Variants in CARMIL1 observed in about 807,000 individuals in gnomAD.
CARMIL1 encodes capping protein regulator and myosin 1 linker 1.
A neutral mutation model predicts 177.1 loss-of-function variants in CARMIL1; 90 were observed. That is an observed-to-expected ratio of 0.51 (90% CI 0.43 to 0.61). The LOEUF (loss-of-function observed/expected upper bound fraction) is 0.61, where lower values mean the gene tolerates loss of function less well. Ranked by LOEUF, CARMIL1 falls within the 20% of genes least tolerant of loss-of-function variation. The probability of loss-of-function intolerance (pLI) is 0.00; values close to 1 mark genes in which losing one functional copy is unlikely to be tolerated. For missense variants in CARMIL1, 1,380 were observed against 1,667.0 expected, an observed-to-expected ratio of 0.83 and a Z score of 3.00; for synonymous variants, 577 against 606.2, an observed-to-expected ratio of 0.95 and a Z score of 0.71.
At chr6:25,291,075 G>A (rs1481497754) in intron 2 of CARMIL1, among the ~76,000 whole-genome samples, 1 of 152,146 alleles carries the variant, frequency 6.6e-6, no homozygotes, top group Non-Finnish European at 1.5e-5. Context: ...GCCTCCCAAA[G>A]TGCTGGGATT....
At chr6:25,566,910 G>A (rs535892467) in intron 29 of CARMIL1, among the ~76,000 whole-genome samples, 43 of 152,276 alleles carry the variant, frequency 2.8e-4, no homozygotes, top group Middle Eastern at 6.8e-3. Context: ...AAACTGATGA[G>A]GTTCAATTAA....
chr6:25,496,065 G>A (rs1453157525), intron 16 of CARMIL1, among the ~76,000 whole-genome samples: 1 of 152,078 alleles, frequency 6.6e-6, no homozygotes, highest in East Asian at 1.9e-4. Context: ...CATCTTACTA[G>A]AAAATTAAGC....
chr6:25,385,793 T>C (rs2150507961), intron 2 of CARMIL1, among the ~76,000 whole-genome samples: 1 of 152,360 alleles, frequency 6.6e-6, no homozygotes, highest in Admixed American at 6.5e-5. Flanking sequence ...CTTGAATTTT[T>C]CCAAGACTCA....
At chr6:25,375,751 T>C (rs980337881) in intron 2 of CARMIL1, among the ~76,000 whole-genome samples, 1 of 152,218 alleles carries the variant, frequency 6.6e-6, no homozygotes, top group African/African-American at 2.4e-5. Flanking sequence ...AAATTCTTTT[T>C]TCTACTTGTT....
At chr6:25,468,757 C>T (rs1055768445) in intron 9 of CARMIL1, among the ~76,000 whole-genome samples, 5 of 152,192 alleles carry the variant, frequency 3.3e-5, no homozygotes, top group Non-Finnish European at 5.9e-5. Flanking sequence ...ATTTGTTACA[C>T]GTCTCCCCTA....
At chr6:25,456,324 A>G (rs1799527260) in intron 8 of CARMIL1, among the ~76,000 whole-genome samples, 2 of 152,232 alleles carry the variant, frequency 1.3e-5, no homozygotes, top group African/African-American at 4.8e-5. Context: ...TGGTTCTATC[A>G]GAACTGAATC....
At chr6:25,308,317 A>G (rs1303134595) in intron 2 of CARMIL1, among the ~76,000 whole-genome samples, 1 of 151,844 alleles carries the variant, frequency 6.6e-6, no homozygotes, top group Non-Finnish European at 1.5e-5. Flanking sequence ...ACTGTGCCTG[A>G]GAAAGCTCTT....
intron 29 of CARMIL1, among the ~76,000 whole-genome samples, chr6:25,570,898 C>A (rs1413239914): frequency 6.6e-6 from 1 of 152,146 alleles, no homozygotes; most frequent in African/African-American, 2.4e-5. Flanking sequence ...ACCTTTTCTT[C>A]CTAGGCTTGC....
intron 16 of CARMIL1, among the ~76,000 whole-genome samples, chr6:25,496,031 A>G (rs1338085055): frequency 6.6e-6 from 1 of 152,230 alleles, no homozygotes; most frequent in African/African-American, 2.4e-5. Context: ...TGTGTATGAA[A>G]TGTTAAAATT....
At chr6:25,591,228 A>G (rs368159093) in intron 31 of CARMIL1, among the ~76,000 whole-genome samples, 1 of 152,184 alleles carries the variant, frequency 6.6e-6, no homozygotes, top group Admixed American at 6.5e-5. Context: ...TGGTGTATTC[A>G]CTGTAATAAT....
chr6:25,334,503 A>T (rs1786015199), intron 2 of CARMIL1, among the ~76,000 whole-genome samples: 1 of 150,466 alleles, frequency 6.6e-6, no homozygotes, highest in African/African-American at 2.5e-5. Context: ...TATCAGCTTA[A>T]CTAATCTCCA....
intron 36 of CARMIL1, among the ~76,000 whole-genome samples, chr6:25,613,928 A>G (rs1201304020): frequency 1.3e-5 from 2 of 152,212 alleles, no homozygotes; most frequent in East Asian, 3.8e-4. Flanking sequence ...GCATTTCAGA[A>G]TACAAGTTAA....
chr6:25,481,581 A>AT (rs1408837142), intron 11 of CARMIL1, among the ~76,000 whole-genome samples: 1 of 152,196 alleles, frequency 6.6e-6, no homozygotes, highest in East Asian at 1.9e-4. Flanking sequence ...ACGTTTGTGT[A>AT]TTACTTATTT....
chr6:25,390,320 A>ATATATATATATATATATATTTTTTTTT (rs1554184839), intron 2 of CARMIL1, among the ~76,000 whole-genome samples: 2 of 58,098 alleles, frequency 3.4e-5, no homozygotes, highest in Non-Finnish European at 6.7e-5. Context: ...ATATATATAT[A>ATATATATATATATATATATTTTTTTTT]TTTTTTTTTT....
chr6:25,364,721 G>A (rs1360413704), intron 2 of CARMIL1, among the ~76,000 whole-genome samples: 2 of 151,968 alleles, frequency 1.3e-5, no homozygotes, highest in Admixed American at 6.6e-5. Context: ...CCGCCACCAC[G>A]CCCGGCTAAT....
chr6:25,453,652 TG>T (rs1386266675), intron 8 of CARMIL1, among the ~76,000 whole-genome samples: 1 of 152,232 alleles, frequency 6.6e-6, no homozygotes, highest in African/African-American at 2.4e-5. Context: ...ACTCCCGCCT[TG>T]GCTTGTGCTC....
chr6:25,416,477 G>T (rs572013638), intron 2 of CARMIL1, among the ~76,000 whole-genome samples: 1 of 152,306 alleles, frequency 6.6e-6, no homozygotes, highest in Non-Finnish European at 1.5e-5. Context: ...CTTATAGGGT[G>T]CTGTGAGGAT....
At chr6:25,290,505 C>G (rs1408622671) in intron 2 of CARMIL1, among the ~76,000 whole-genome samples, 1 of 150,864 alleles carries the variant, frequency 6.6e-6, no homozygotes, top group Non-Finnish European at 1.5e-5. Context: ...TGGCACTCCT[C>G]TCTCCAGGAT....
Position 25,604,857 on chromosome 6 carries a change from T to C in CARMIL1, c.3598T>C (p.Leu1200=). ...AVSQDSSSPA[L]SGVERSDGGG... is the part of the protein sequence containing the mutation. ...ATCCCAGGATTCTTCCAGCCCAGCT[T>C]TGAGCGGCGTAGAACGGTCGGATGG... Residue 1200 remains leucine (L), a synonymous_variant, in exon 34 of 37, where the codon TTG becomes CTG. Transcript: ENST00000329474. 6.3e-7 allele frequency: 1 copy of C among 1,599,160 alleles called. No individual in the cohort carries two copies. Among genetic ancestry groups the C allele is most frequent in the Non-Finnish European group, 8.5e-7 (1 of 1,173,362 alleles).
Sources: allele counts gnomAD v4.1 joint callset (sites outside exome capture counted in the v4.1 genomes callset), GRCh38; gene constraint gnomAD v4.1.1; transcripts MANE v1.5; gene names NCBI Gene and HGNC (gene_info 2026-07-23, HGNC 2026-07-21).